Variants in ACSL5 observed in about 807,000 individuals in gnomAD.
ACSL5 encodes the protein long-chain-fatty-acid--CoA ligase 5.
ACSL5 carries 50 observed loss-of-function variants against 84.9 expected under a neutral mutation model. That is an observed-to-expected ratio of 0.59 (90% confidence interval 0.47 to 0.75). The LOEUF (loss-of-function observed/expected upper bound fraction) is 0.75. ACSL5 is among the 30% of genes least tolerant of loss of function. The pLI, the probability that ACSL5 is intolerant of heterozygous loss-of-function variation, is 0.00. For missense variants in ACSL5, 775 were observed against 830.4 expected (o/e 0.93, Z 0.82); for synonymous variants, 280 against 300.7 (o/e 0.93, Z 0.71).
In ACSL5 at chr10:112,383,093, A is replaced by AC. The variant is rs538996274; in HGVS notation, c.-30+8828dup. 2.0e-3 allele frequency among the ~76,000 whole-genome samples: 301 copies of AC among 152,090 alleles called. 1 individual carries two copies. Among genetic ancestry groups the AC allele is most frequent in the Admixed American group, 3.5e-3 (54 of 15,266 alleles). On this transcript the variant is annotated intron_variant, in intron 1 of 20. Coordinates refer to ENST00000354655, the MANE Select transcript of ACSL5 (RefSeq NM_203379.2). The stretch of plus-strand genomic sequence containing the variant: ...AGCCCAGGCTGGGCAACTTAGGGAG[A>AC]CCCCATCTCTACAAAAAACTTAAAA...
chr10:112,426,906 T>C (rs1468845910), intron 20 of ACSL5, 47 bp downstream of exon 20: 5 of 1,472,048 alleles, frequency 3.4e-6, no homozygotes, highest in Non-Finnish European at 4.7e-6. Context: ...CAGAAAGTTT[T>C]GTTTAAAGTT....
chr10:112,404,454 C>T, intron 3 of ACSL5, 57 bp from the exon 4 acceptor site: 2 of 1,374,506 alleles, frequency 1.5e-6, no homozygotes, highest in Non-Finnish European at 2.1e-6. Flanking sequence ...CTTTTAGCTT[C>T]CTTGGTCCAG....
intron 12 of ACSL5, among the ~76,000 whole-genome samples, chr10:112,414,418 C>T (rs1329484338): frequency 2.6e-4 from 37 of 144,962 alleles, no homozygotes; most frequent in African/African-American, 6.7e-4. Flanking sequence ...TGCAATGGCA[C>T]GATCTCAGCT....
Position 112,387,470 on chromosome 10 carries a change from TACTG to T in ACSL5, c.-29-7444_-29-7441del, listed in dbSNP as rs201460420. 2.4e-4 allele frequency among the ~76,000 whole-genome samples: 37 copies of T among 152,340 alleles called. No individual in the cohort carries two copies. The East Asian group carries it at 6.2e-3, about 25-fold the overall frequency. ...CATTACTTTTGGGTTTGTCTAGAAA[TACTG>T]ACTCTGTAGTCAAGGACTGAGAGAG... On this transcript the variant is annotated intron_variant, in intron 1 of 20. Transcript: ENST00000354655.
intron 11 of ACSL5, 56 bp downstream of exon 11, chr10:112,412,035 CAT>C: frequency 2.0e-6 from 3 of 1,486,620 alleles, no homozygotes; most frequent in South Asian, 2.3e-5. Context: ...CTTGCTATCA[CAT>C]GTTTATTCCA....
intron 12 of ACSL5, among the ~76,000 whole-genome samples, chr10:112,415,020 C>G (rs77799504): frequency 0.013 from 2,050 of 152,248 alleles, 17 homozygotes; most frequent in Non-Finnish European, 0.021. Flanking sequence ...AGGCAGTGTT[C>G]TAGCAGAACT....
At chr10:112,394,887 T>C in intron 1 of ACSL5, 31 bp from the exon 2 acceptor site, 1 of 1,607,110 alleles carries the variant, frequency 6.2e-7, no homozygotes, top group Non-Finnish European at 8.5e-7. Context: ...CCATTTCCTC[T>C]AAATTTTCTT....
At chr10:112,386,852 G>A (rs1849464135) in intron 1 of ACSL5, among the ~76,000 whole-genome samples, 1 of 151,984 alleles carries the variant, frequency 6.6e-6, no homozygotes, top group Non-Finnish European at 1.5e-5. Flanking sequence ...TCAGTTATTT[G>A]TATAAAATAT....
intron 2 of ACSL5, 127 bp from the exon 3 acceptor site, chr10:112,398,774 A>G (rs1843804989): frequency 1.4e-6 from 1 of 723,386 alleles, no homozygotes; most frequent in Non-Finnish European, 2.4e-6. Flanking sequence ...AAATCAATTG[A>G]CTAGCGAAGA....
At chr10:112,384,444 A>C (rs1160219891) in intron 1 of ACSL5, among the ~76,000 whole-genome samples, 3 of 152,182 alleles carry the variant, frequency 2.0e-5, no homozygotes, top group East Asian at 1.9e-4. Context: ...CAAGACTTTC[A>C]AGAAATCCAG....
chr10:112,426,984 A>G (rs1177438971), intron 20 of ACSL5, 125 bp downstream of exon 20: 2 of 971,760 alleles, frequency 2.1e-6, no homozygotes, highest in Non-Finnish European at 3.1e-6. Context: ...CATTAACTAC[A>G]AAATGACCTT....
chr10:112,403,289 C>CGTTTT (rs575640753), intron 3 of ACSL5, among the ~76,000 whole-genome samples: 1 of 152,120 alleles, frequency 6.6e-6, no homozygotes, highest in African/African-American at 2.4e-5. Context: ...AAAATATTTT[C>CGTTTT]GTTTTGTTTT....
intron 2 of ACSL5, among the ~76,000 whole-genome samples, chr10:112,397,201 T>C (rs770347239): frequency 1.6e-4 from 24 of 150,982 alleles, no homozygotes; most frequent in Non-Finnish European, 3.4e-4. Flanking sequence ...GAAGTCTCGC[T>C]CTTGTCCCCC....
intron 17 of ACSL5, among the ~76,000 whole-genome samples, chr10:112,424,145 A>G (rs1844582689): frequency 6.6e-6 from 1 of 152,234 alleles, no homozygotes; most frequent in African/African-American, 2.4e-5. Flanking sequence ...TCTCTCATTG[A>G]CCTTCACAGC....
At chr10:112,385,982 A>T (rs1388619913) in intron 1 of ACSL5, among the ~76,000 whole-genome samples, 1 of 152,086 alleles carries the variant, frequency 6.6e-6, no homozygotes, top group Non-Finnish European at 1.5e-5. Context: ...TTGTTGTAGG[A>T]GTAAGAGAGT....
intron 12 of ACSL5, among the ~76,000 whole-genome samples, chr10:112,416,470 CA>C (rs35770074): frequency 0.12 from 7,234 of 58,198 alleles, 85 homozygotes; most frequent in East Asian, 0.16. Context: ...GACTCTGTCT[CA>C]AAAAAAAAAA....
In ACSL5 at chr10:112,398,992, G is replaced by C; in HGVS notation, c.248G>C (p.Arg83Thr). The C allele has an allele frequency of 6.2e-7, 1 of 1,613,880 alleles. No individual in the cohort carries two copies. The highest frequency in any genetic ancestry group is 8.5e-7 in the Non-Finnish European group (1 of 1,179,830). Residue 83 changes from arginine to threonine, a missense_variant, in exon 3 of 21, where the codon AGA becomes ACA. Coordinates refer to ENST00000354655, the MANE Select transcript of ACSL5 (RefSeq NM_203379.2). Reference sequence around the variant, plus strand: ...AAGACTATGTATGAGGTTTTCCAAAGAGGACTCGCTGTGTCTGGTAAGCCT... The same window carrying C: ...AAGACTATGTATGAGGTTTTCCAAACAGGACTCGCTGTGTCTGGTAAGCCT... ...DAKTMYEVFQ[R>T]GLAVSDNGPC...
At chr10:112,386,936 C>A (rs1444804695) in intron 1 of ACSL5, among the ~76,000 whole-genome samples, 2 of 152,198 alleles carry the variant, frequency 1.3e-5, no homozygotes, top group Non-Finnish European at 2.9e-5. Flanking sequence ...AATTATAAAA[C>A]TGAAACATAC....
Position 112,399,003 on chromosome 10 carries a change from G to A in ACSL5, c.259G>A (p.Val87Met). 1 of 1,613,344 alleles carries A rather than the reference G, an allele frequency of 6.2e-7. No homozygotes were observed. The highest frequency in any genetic ancestry group is 8.5e-7 in the Non-Finnish European group (1 of 1,179,310). Residue 87 changes from valine to methionine, a missense_variant, in exon 3 of 21, where the codon GTG becomes ATG. Coordinates refer to ENST00000354655, the MANE Select transcript of ACSL5 (RefSeq NM_203379.2). ...MYEVFQRGLA[V>M]SDNGPCLGYR... ...TGAGGTTTTCCAAAGAGGACTCGCT[G>A]TGTCTGGTAAGCCTGGTGGTCTGTC...
Sources: gnomAD v4.1 joint callset for allele counts (sites outside exome capture counted in the v4.1 genomes callset) on GRCh38, gnomAD v4.1.1 for gene constraint, MANE v1.5 for transcripts, NCBI Gene and HGNC (gene_info 2026-07-23, HGNC 2026-07-21) for gene names.